TRABD2B: variants seen among roughly 807,000 people sequenced by gnomAD.
The protein encoded by TRABD2B is metalloprotease TIKI2.
TRABD2B carries 14 observed loss-of-function variants against 40.1 expected under a neutral mutation model. That is an observed-to-expected ratio of 0.35 (90% CI 0.23 to 0.55). The LOEUF (loss-of-function observed/expected upper bound fraction) is 0.55, where lower values mean the gene tolerates loss of function less well. Ranked by LOEUF, TRABD2B falls within the 20% of genes least tolerant of loss-of-function variation. TRABD2B has a pLI of 0.90. For synonymous variants in TRABD2B, 263 were observed against 277.0 expected (o/e 0.95, Z 0.50); for missense variants, 541 against 648.6 (o/e 0.83, Z 1.80).
chr1:47,890,715 G>A (rs1389448765), intron 2 of TRABD2B, among the ~76,000 whole-genome samples: 1 of 152,176 alleles, frequency 6.6e-6, no homozygotes, highest in Non-Finnish European at 1.5e-5. Flanking sequence ...AGCAAAGTTA[G>A]GTGTTTTTTC....
chr1:47,826,308 T>C (rs893010745), intron 2 of TRABD2B, among the ~76,000 whole-genome samples: 1 of 152,198 alleles, frequency 6.6e-6, no homozygotes, highest in Non-Finnish European at 1.5e-5. Flanking sequence ...ACATATAATT[T>C]ATTTAATATG....
chr1:47,916,535 A>T (rs898064294), intron 2 of TRABD2B, among the ~76,000 whole-genome samples: 1 of 152,226 alleles, frequency 6.6e-6, no homozygotes, highest in East Asian at 1.9e-4. Context: ...CAGGAAGAGG[A>T]AGCACTTTGC....
intron 5 of TRABD2B, among the ~76,000 whole-genome samples, chr1:47,776,685 T>C (rs1644451829): frequency 6.6e-6 from 1 of 152,116 alleles, no homozygotes; most frequent in Non-Finnish European, 1.5e-5. Context: ...TTTCAGGAAT[T>C]GTGGCTGAGT....
Position 47,873,736 on chromosome 1 carries a change from T to C in TRABD2B, c.667-72117A>G, listed in dbSNP as rs144674793. On this transcript the variant is annotated intron_variant, in intron 2 of 6. Transcript: ENST00000606738. ...CTGAGAGAGGACCACACCAAGAATCTATTGTGTGCCAGGCCCTGGGGACTA... is the reference window on the plus strand; with the variant it reads ...CTGAGAGAGGACCACACCAAGAATCCATTGTGTGCCAGGCCCTGGGGACTA... Among the ~76,000 whole-genome samples, 70 of 152,262 alleles carry C rather than the reference T, an allele frequency of 4.6e-4. 1 individual carries two copies. In the East Asian group the frequency reaches 0.012, roughly 26 times the overall value.
At position 47,813,528 on chromosome 1, in the gene TRABD2B, G is replaced by C. The variant is rs1341658348; in HGVS notation, c.667-11909C>G. Among the ~76,000 whole-genome samples the C allele has an allele frequency of 6.6e-6, 1 of 152,228 alleles. No homozygotes were observed. The highest frequency in any genetic ancestry group is 2.4e-5 in the African/African-American group (1 of 41,452). On this transcript the variant is annotated intron_variant, in intron 2 of 6. Coordinates refer to ENST00000606738, the MANE Select transcript of TRABD2B (RefSeq NM_001194986.2). This position sits in a 1 kb window ranked among gnomAD's most constrained non-coding sequence, Gnocchi z 4.3. Reference sequence around the variant, plus strand: ...TAAACCTAGGACCTGCTACATGCAGGCTGTGTGAAGTTCTTATTCTGGCTC... The same window carrying C: ...TAAACCTAGGACCTGCTACATGCAGCCTGTGTGAAGTTCTTATTCTGGCTC...
At chr1:47,937,099 T>C (rs1008711698) in intron 2 of TRABD2B, among the ~76,000 whole-genome samples, 1 of 147,120 alleles carries the variant, frequency 6.8e-6, no homozygotes, top group Non-Finnish European at 1.5e-5. Context: ...ACCATGATCA[T>C]CACCACCACC....
At chr1:47,840,699 G>A (rs868772426) in intron 2 of TRABD2B, among the ~76,000 whole-genome samples, 1 of 152,322 alleles carries the variant, frequency 6.6e-6, no homozygotes, top group South Asian at 2.1e-4. Flanking sequence ...CCACAGTTGA[G>A]TTATGAGCTC....
At chr1:47,984,981 T>C (rs1038522766) in intron 2 of TRABD2B, among the ~76,000 whole-genome samples, 2 of 152,250 alleles carry the variant, frequency 1.3e-5, no homozygotes, top group Non-Finnish European at 2.9e-5. Context: ...AAAAGTTGTA[T>C]AACGATAATT....
intron 2 of TRABD2B, among the ~76,000 whole-genome samples, chr1:47,847,434 G>A (rs1396111283): frequency 6.6e-6 from 1 of 152,188 alleles, no homozygotes; most frequent in African/African-American, 2.4e-5. Flanking sequence ...GGGTCATTAT[G>A]CATGGAAATA....
chr1:47,794,506 C>T (rs1336238065), intron 4 of TRABD2B, 80 bp downstream of exon 4: 31 of 1,399,322 alleles, frequency 2.2e-5, no homozygotes, highest in Middle Eastern at 1.8e-4. Flanking sequence ...ACTTCTCCCT[C>T]GATGAAGTAG....
chr1:47,939,985 A>G (rs924608794), intron 2 of TRABD2B, among the ~76,000 whole-genome samples: 1 of 151,844 alleles, frequency 6.6e-6, no homozygotes, highest in African/African-American at 2.4e-5. Context: ...CCCAGGAAAC[A>G]CTCTATCATG....
intron 2 of TRABD2B, among the ~76,000 whole-genome samples, chr1:47,949,124 TAGTAAG>T (rs1232694519): frequency 5.3e-5 from 8 of 152,174 alleles, no homozygotes; most frequent in Non-Finnish European, 1.0e-4. Context: ...TGCTAATACA[TAGTAAG>T]AGTAACTGCA....
chr1:47,822,177 T>G (rs926289148), intron 2 of TRABD2B, among the ~76,000 whole-genome samples: 1 of 144,120 alleles, frequency 6.9e-6, no homozygotes, highest in South Asian at 2.3e-4. Flanking sequence ...CAAACACACA[T>G]ACACTCCTCC....
At chr1:47,965,962 G>A (rs992188514) in intron 2 of TRABD2B, among the ~76,000 whole-genome samples, 2 of 152,104 alleles carry the variant, frequency 1.3e-5, no homozygotes, top group African/African-American at 2.4e-5. Context: ...GTTTATGAAG[G>A]GGGAAATAAC....
chr1:47,949,377 C>T lies in TRABD2B; in HGVS notation c.666+44657G>A, dbSNP rs117557946. Among the ~76,000 whole-genome samples the T allele has an allele frequency of 1.7e-3, 245 of 145,012 alleles. 5 individuals are homozygous for T. The East Asian group carries it at 0.043, about 26-fold the overall frequency. ...TATTGGCCTCTCCCATCAGTCCACT[C>T]TATGATTGTATTTTCTTTTCTTTCT... On this transcript the variant is annotated intron_variant, in intron 2 of 6. Transcript: ENST00000606738.
chr1:47,809,354 T>G (rs1382394048), intron 2 of TRABD2B, among the ~76,000 whole-genome samples: 1 of 152,208 alleles, frequency 6.6e-6, no homozygotes, highest in African/African-American at 2.4e-5. Context: ...ACATAGCAGC[T>G]GCTTGAGGAA....
At chr1:47,818,877 C>G (rs1317157820) in intron 2 of TRABD2B, 1 of 152,376 alleles carries the variant, frequency 6.6e-6, no homozygotes, top group Admixed American at 6.5e-5. Context: ...ATGCCTTTGA[C>G]GTGAACAGCT....
rs1474181155 is a variant in TRABD2B at position 47,994,977 on chromosome 1, G to C, written c.103-380C>G. Among the ~76,000 whole-genome samples, 1 of 152,198 alleles carries C rather than the reference G, an allele frequency of 6.6e-6. No homozygotes were observed. The highest frequency in any genetic ancestry group is 3.2e-3 in the Middle Eastern group (1 of 316). On this transcript the variant is annotated intron_variant, in intron 1 of 6. Coordinates refer to ENST00000606738, the MANE Select transcript of TRABD2B (RefSeq NM_001194986.2). The surrounding 1 kb of genome is among the most constrained non-coding windows in gnomAD (Gnocchi z 6.7). Reference sequence around the variant, plus strand: ...GAAACTCTCATGATTAGCGTTCCCTGTGAGTGCCAAGGACTGCCACACCAC... The same window carrying C: ...GAAACTCTCATGATTAGCGTTCCCTCTGAGTGCCAAGGACTGCCACACCAC...
chr1:47,927,828 G>A (rs1046718041), intron 2 of TRABD2B, among the ~76,000 whole-genome samples: 1 of 152,194 alleles, frequency 6.6e-6, no homozygotes, highest in Admixed American at 6.5e-5. Flanking sequence ...TGAATGGAAT[G>A]AAAAAGAATT....
Sources: gnomAD v4.1 joint callset for allele counts (sites outside exome capture counted in the v4.1 genomes callset) on GRCh38, gnomAD v4.1.1 for gene constraint, Gnocchi (gnomAD v3.1) non-coding constraint, MANE v1.5 for transcripts, NCBI Gene and HGNC (gene_info 2026-07-23, HGNC 2026-07-21) for gene names.